Variants in DCT observed in about 807,000 individuals in gnomAD.
DCT encodes the protein L-dopachrome tautomerase.
A neutral mutation model predicts 53.0 loss-of-function variants in DCT; 47 were observed. The observed-to-expected ratio is 0.89, with a 90% CI of 0.70 to 1.13. The LOEUF is 1.13. DCT is among the 50% of genes most tolerant of loss of function. DCT has a pLI of 0.00. For missense variants in DCT, 669 were observed against 637.4 expected (o/e 1.05, Z -0.53); for synonymous variants, 244 against 237.0 (o/e 1.03, Z -0.27).
intron 4 of DCT, among the ~76,000 whole-genome samples, chr13:94,464,361 C>T (rs945639374): frequency 1.3e-5 from 2 of 152,040 alleles, no homozygotes; most frequent in Non-Finnish European, 2.9e-5. Flanking sequence ...ATTTTGAGGC[C>T]GGGTGAGGTG....
At chr13:94,541,051 A>C in the DCT span, among the ~76,000 whole-genome samples, 7 of 152,256 alleles carry the variant, frequency 4.6e-5, 1 homozygote, top group Admixed American at 2.6e-4. Context: ...AAAGACAAGC[A>C]ACCCATGTTT....
the DCT span, among the ~76,000 whole-genome samples, chr13:94,525,195 G>A: frequency 2.6e-5 from 4 of 152,058 alleles, no homozygotes; most frequent in Non-Finnish European, 4.4e-5. Flanking sequence ...CCACCCCCTG[G>A]GTTCAAGTGA....
the DCT span, among the ~76,000 whole-genome samples, chr13:94,494,097 C>T: frequency 1.3e-5 from 2 of 152,134 alleles, no homozygotes; most frequent in Admixed American, 6.5e-5. Context: ...AAGCTCATCC[C>T]AAAAGACAAG....
At chr13:94,522,964 T>C in the DCT span, among the ~76,000 whole-genome samples, 1 of 152,214 alleles carries the variant, frequency 6.6e-6, no homozygotes, top group African/African-American at 2.4e-5. Context: ...ATACGTGTTT[T>C]ACATCTGGGA....
At chr13:94,444,251 G>A (rs7339198) in intron 6 of DCT, 214,300 of 278,360 alleles carry the variant, frequency 0.77, 85,631 homozygotes, top group African/African-American at 0.92. Flanking sequence ...CAAGTATTCC[G>A]AAATCTGAAA....
At chr13:94,463,085 A>G (rs1313744280) in intron 4 of DCT, among the ~76,000 whole-genome samples, 1 of 152,148 alleles carries the variant, frequency 6.6e-6, no homozygotes, top group East Asian at 1.9e-4. Flanking sequence ...CACGCCTGCT[A>G]TGGCCTGGAT....
In DCT at chr13:94,468,726, C is replaced by A. The variant is rs749431032; in HGVS notation, c.595+20G>T. 2 of 1,605,456 alleles carry A rather than the reference C, an allele frequency of 1.2e-6. No homozygotes were observed. The highest frequency in any genetic ancestry group is 4.5e-5 in the East Asian group (2 of 44,768). On this transcript the variant is annotated intron_variant, in intron 2 of 7. Coordinates refer to ENST00000377028, the MANE Select transcript of DCT (RefSeq NM_001922.5). The stretch of plus-strand genomic sequence containing the variant: ...TCACAAACCTGTAATAATATACCTT[C>A]AGCCAAGGAAAAAACCCACCTAATA...
In DCT at chr13:94,465,706, C is replaced by T. The variant is rs777581598; in HGVS notation, c.790G>A (p.Ala264Thr). Residue 264 changes from alanine to threonine, a missense_variant, in exon 4 of 8, where the codon GCA becomes ACA. Physicochemically the swap from Ala to Thr is moderately conservative, Grantham distance 58. Transcript: ENST00000377028. The stretch of plus-strand genomic sequence containing the variant: ...AGAGTCGGATCGTCTGGTCTCGCTG[C>T]CCCAAACAGCTGGTCTGTACACACA... ...CDVCTDQLFG[A>T]ARPDDPTLIS... 6.2e-7 allele frequency: 1 copy of T among 1,613,446 alleles called. No individual in the cohort carries two copies. Among genetic ancestry groups the T allele is most frequent in the Non-Finnish European group, 8.5e-7 (1 of 1,179,894 alleles).
chr13:94,486,453 G>T, the DCT span, among the ~76,000 whole-genome samples: 2 of 152,246 alleles, frequency 1.3e-5, no homozygotes, highest in South Asian at 2.1e-4. Context: ...TGAGAATAAG[G>T]GTTGGGCTCC....
chr13:94,517,018 A>G, the DCT span, among the ~76,000 whole-genome samples: 2 of 152,228 alleles, frequency 1.3e-5, no homozygotes, highest in Non-Finnish European at 2.9e-5. Context: ...ACAAAGATAC[A>G]TTATTGCAAA....
At chr13:94,515,210 C>G in the DCT span, among the ~76,000 whole-genome samples, 1 of 152,212 alleles carries the variant, frequency 6.6e-6, no homozygotes. Flanking sequence ...TGTTTATAAG[C>G]CTCCTAGTCT....
In DCT at chr13:94,462,162, G is replaced by A. The variant is rs1490519507; in HGVS notation, c.891C>T (p.Thr297=). ...AACCTTCATAGGTTCCATTGCACAA[G>A]GTGACCAGGTGGTTGTAGTCATCCA... ...DSLDDYNHLV[T]LCNGTYEGLL... is the part of the protein sequence containing the mutation. The change falls in exon 5 of 8, where the codon ACC becomes ACT. Residue 297 remains threonine (T), a synonymous_variant. Coordinates refer to ENST00000377028, the MANE Select transcript of DCT (RefSeq NM_001922.5). The A allele has an allele frequency of 2.5e-6, 4 of 1,612,918 alleles. No individual in the cohort carries two copies. Among genetic ancestry groups the A allele is most frequent in the Non-Finnish European group, 3.4e-6 (4 of 1,179,394 alleles).
At chr13:94,449,672 C>A (rs1882957427) in intron 6 of DCT, among the ~76,000 whole-genome samples, 1 of 152,190 alleles carries the variant, frequency 6.6e-6, no homozygotes, top group Admixed American at 6.5e-5. Flanking sequence ...TTGGTTTGGA[C>A]TTTTTAAATG....
the DCT span, among the ~76,000 whole-genome samples, chr13:94,491,608 C>G: frequency 6.6e-6 from 1 of 152,270 alleles, no homozygotes; most frequent in East Asian, 1.9e-4. Flanking sequence ...TTTTTACAAC[C>G]AAGTCATCCT....
chr13:94,525,340 G>T, the DCT span, among the ~76,000 whole-genome samples: 2 of 152,124 alleles, frequency 1.3e-5, no homozygotes, highest in Admixed American at 1.3e-4. Flanking sequence ...GACCTCAGGT[G>T]ATCCACCTGC....
At chr13:94,455,605 G>T (rs999245056) in intron 6 of DCT, among the ~76,000 whole-genome samples, 1 of 152,188 alleles carries the variant, frequency 6.6e-6, no homozygotes, top group Non-Finnish European at 1.5e-5. Flanking sequence ...GCAGAGTTCA[G>T]TAGTTACAAC....
chr13:94,530,961 T>C, the DCT span, among the ~76,000 whole-genome samples: 7 of 152,142 alleles, frequency 4.6e-5, no homozygotes, highest in Admixed American at 1.3e-4. Flanking sequence ...ATAAAATCAA[T>C]GTGCAAAAAT....
At chr13:94,469,595 T>C (rs1440885204) in intron 1 of DCT, among the ~76,000 whole-genome samples, 4 of 152,130 alleles carry the variant, frequency 2.6e-5, no homozygotes, top group Admixed American at 2.6e-4. Context: ...TTTCAGTGTT[T>C]AAGCTGCCTA....
chr13:94,548,569 G>T, the DCT span, among the ~76,000 whole-genome samples: 70 of 152,012 alleles, frequency 4.6e-4, no homozygotes, highest in East Asian at 9.5e-3. Context: ...CTTGGGTCCT[G>T]GCTCAGTTCC....
Sources: allele counts gnomAD v4.1 joint callset (sites outside exome capture counted in the v4.1 genomes callset), GRCh38; gene constraint gnomAD v4.1.1; transcripts MANE v1.5; gene names NCBI Gene and HGNC (gene_info 2026-07-23, HGNC 2026-07-21).